Variants in CBLL1 observed in about 807,000 individuals in gnomAD.
The protein encoded by CBLL1 is Cbl proto-oncogene like 1, also known as E3 ubiquitin-protein ligase Hakai.
CBLL1 carries 4 observed loss-of-function variants against 44.9 expected under a neutral mutation model. The ratio of observed to expected loss-of-function variants is 0.09; its 90% CI spans 0.04 to 0.20. CBLL1 has a LOEUF of 0.20. CBLL1 is among the 10% of genes least tolerant of loss of function. The pLI, the probability that CBLL1 is intolerant of heterozygous loss-of-function variation, is 1.00. For synonymous variants in CBLL1, 235 were observed against 202.2 expected (o/e 1.16, Z -1.38); for missense variants, 569 against 636.7 (o/e 0.89, Z 1.14).
chr7:107,755,047 G>T (rs760376824), intron 4 of CBLL1, among the ~76,000 whole-genome samples: 28 of 152,120 alleles, frequency 1.8e-4, no homozygotes, highest in Non-Finnish European at 4.0e-4. Flanking sequence ...CATCAGCCAG[G>T]AGTTTGAGGT....
chr7:107,744,196 G>T lies in CBLL1; in HGVS notation c.13+20G>T. On this transcript the variant is annotated intron_variant, in intron 1 of 5. Transcript: ENST00000440859. ...ACACTGGTAAGGAGGCGGAGGCAGT[G>T]GGGGTCCCGGTTCCAAGCCCCCTTG... 1.3e-6 allele frequency: 2 copies of T among 1,545,618 alleles called. No individual in the cohort carries two copies. Among genetic ancestry groups the T allele is most frequent in the Non-Finnish European group, 1.7e-6 (2 of 1,143,974 alleles).
intron 5 of CBLL1, among the ~76,000 whole-genome samples, chr7:107,756,895 T>G (rs1023364351): frequency 6.6e-6 from 1 of 152,080 alleles, no homozygotes; most frequent in Non-Finnish European, 1.5e-5. Context: ...AGTGAAGAAA[T>G]GGCAGTCAGA....
At chr7:107,749,372 T>C (rs910625135) in intron 2 of CBLL1, 1 of 166,304 alleles carries the variant, frequency 6.0e-6, no homozygotes, top group East Asian at 1.6e-4. Context: ...ATTAATTTTT[T>C]ATGTGTAGTT....
intron 2 of CBLL1, chr7:107,749,279 C>G (rs1174392895): frequency 3.1e-6 from 1 of 322,008 alleles, no homozygotes; most frequent in Non-Finnish European, 5.6e-6. Context: ...TCAGTAATCT[C>G]AACAGTATTG....
At chr7:107,756,554 T>G (rs1164428827) in intron 5 of CBLL1, among the ~76,000 whole-genome samples, 2 of 152,184 alleles carry the variant, frequency 1.3e-5, no homozygotes, top group African/African-American at 2.4e-5. Flanking sequence ...GCCTAATTTT[T>G]CAGCATGGTA....
At chr7:107,757,772 A>G (rs1327419199) in intron 5 of CBLL1, among the ~76,000 whole-genome samples, 2 of 152,184 alleles carry the variant, frequency 1.3e-5, no homozygotes, top group African/African-American at 2.4e-5. Context: ...TACTAGTTTG[A>G]ATTCCATGAT....
At chr7:107,755,513 C>T (rs1322860668) in intron 5 of CBLL1, 22 bp downstream of exon 5, 1 of 1,371,178 alleles carries the variant, frequency 7.3e-7, no homozygotes, top group East Asian at 2.5e-5. Context: ...TTATCATTAC[C>T]TTTTTTAAAT....
intron 2 of CBLL1, among the ~76,000 whole-genome samples, chr7:107,752,802 G>C (rs1391376150): frequency 6.6e-6 from 1 of 152,106 alleles, no homozygotes; most frequent in Non-Finnish European, 1.5e-5. Flanking sequence ...ATGAGAATAC[G>C]ATATGGCTCC....
At chr7:107,755,990 G>C (rs964954813) in intron 5 of CBLL1, among the ~76,000 whole-genome samples, 1 of 151,902 alleles carries the variant, frequency 6.6e-6, no homozygotes, top group African/African-American at 2.4e-5. Flanking sequence ...ATAGTAGCTG[G>C]CATATAGTAA....
At chr7:107,744,641 C>G (rs757216791) in intron 1 of CBLL1, 44 of 168,548 alleles carry the variant, frequency 2.6e-4, no homozygotes, top group Admixed American at 1.8e-3. Context: ...TGGTCACCCC[C>G]TGTCGTCTCT....
chr7:107,760,196 G>A lies in CBLL1; in HGVS notation c.*1018G>A, dbSNP rs917941218. 1 of 152,116 alleles carries A rather than the reference G, an allele frequency of 6.6e-6. No homozygotes were observed. Among genetic ancestry groups the A allele is most frequent in the Non-Finnish European group, 1.5e-5 (1 of 67,928 alleles). The allele number at this position is 152,116 out of a possible 1,614,324, so 9.4% of individuals were successfully genotyped here. ...GTGTTTAAGTGGGTTCTTGTTTATA[G>A]GATTTTCAACTACAGTTTGAATGCC... On this transcript the variant is annotated 3_prime_UTR_variant, in exon 6 of 6. Coordinates refer to ENST00000440859, the MANE Select transcript of CBLL1 (RefSeq NM_024814.4).
At chr7:107,752,350 C>A (rs1273177514) in intron 2 of CBLL1, among the ~76,000 whole-genome samples, 2 of 152,058 alleles carry the variant, frequency 1.3e-5, no homozygotes, top group Admixed American at 1.3e-4. Context: ...ATTATACATT[C>A]GTATTGGCAG....
At chr7:107,749,601 CTTT>C (rs35477663) in intron 2 of CBLL1, among the ~76,000 whole-genome samples, 3 of 138,550 alleles carry the variant, frequency 2.2e-5, no homozygotes, top group Admixed American at 7.2e-5. Flanking sequence ...CAGATTTGGC[CTTT>C]TTTTTTTTTT....
At position 107,755,463 on chromosome 7, in the gene CBLL1, GA is replaced by G. The variant is rs1256378164; in HGVS notation, c.419del (p.Lys140ArgfsTer52). ...TTGCTATGACTGTGCTATTTTACATGAAAAAAAGGGAGATAAGATGTGTCCA... is the reference window on the plus strand; with the variant it reads ...TTGCTATGACTGTGCTATTTTACATGAAAAAAGGGAGATAAGATGTGTCCA... ...VFCYDCAILH[E>X]KKGDKMCPGC... On this transcript the variant is annotated frameshift_variant, in exon 5 of 6. Transcript: ENST00000440859. LOFTEE classifies it high-confidence loss of function. The G allele has an allele frequency of 1.6e-5, 25 of 1,585,894 alleles. No individual in the cohort carries two copies. The highest frequency in any genetic ancestry group is 4.6e-5 in the South Asian group (4 of 87,262).
chr7:107,753,858 G>C (rs768626915), intron 3 of CBLL1, 37 bp from the exon 4 acceptor site: 24 of 1,301,536 alleles, frequency 1.8e-5, no homozygotes, highest in Non-Finnish European at 2.3e-5. Flanking sequence ...CTTTAGAATT[G>C]TGTAAGAAGG....
intron 5 of CBLL1, 88 bp downstream of exon 5, chr7:107,755,579 A>G: frequency 1.5e-6 from 1 of 668,296 alleles, no homozygotes; most frequent in Admixed American, 2.7e-5. Flanking sequence ...GGAGTGATGT[A>G]AATCAGGCAG....
chr7:107,749,918 G>A (rs1011603499), intron 2 of CBLL1, among the ~76,000 whole-genome samples: 9 of 148,290 alleles, frequency 6.1e-5, no homozygotes, highest in African/African-American at 1.5e-4. Context: ...TGTTATGTAT[G>A]TGCGTGTGTG....
intron 2 of CBLL1, among the ~76,000 whole-genome samples, chr7:107,750,980 C>CT (rs35541335): frequency 8.7e-4 from 124 of 141,994 alleles, no homozygotes; most frequent in African/African-American, 1.6e-3. Context: ...TGGGGTCTGG[C>CT]TTTTTTTTTT....
intron 5 of CBLL1, among the ~76,000 whole-genome samples, chr7:107,757,140 A>T (rs187713852): frequency 1.7e-3 from 266 of 152,254 alleles, no homozygotes; most frequent in Non-Finnish European, 3.1e-3. Flanking sequence ...GTGTCAAATG[A>T]CCTGACACAC....
Sources: gnomAD v4.1 joint callset for allele counts (sites outside exome capture counted in the v4.1 genomes callset) on GRCh38, gnomAD v4.1.1 for gene constraint, MANE v1.5 for transcripts, NCBI Gene and HGNC (gene_info 2026-07-23, HGNC 2026-07-21) for gene names.